KCNQ1: variants seen among roughly 807,000 people sequenced by gnomAD.
KCNQ1 encodes potassium voltage-gated channel subfamily KQT member 1.
In KCNQ1, 49 loss-of-function variants were observed where a neutral mutation model predicts 72.4. That is an observed-to-expected ratio of 0.68 (90% CI 0.54 to 0.86). The LOEUF (loss-of-function observed/expected upper bound fraction) is 0.86, where lower values mean the gene tolerates loss of function less well. Ranked by LOEUF, KCNQ1 falls within the 40% of genes least tolerant of loss-of-function variation. The pLI is 0.00. For synonymous variants in KCNQ1, 450 were observed against 412.6 expected, an observed-to-expected ratio of 1.09 and a Z score of -1.10; for missense variants, 790 against 945.1, an observed-to-expected ratio of 0.84 and a Z score of 2.15.
chr11:2,627,345 T>A lies in KCNQ1; in HGVS notation c.1394-34616T>A. The A allele has an allele frequency of 2.5e-6, 1 of 398,530 alleles. No homozygotes were observed. Among genetic ancestry groups the A allele is most frequent in the Admixed American group, 4.4e-5 (1 of 22,730 alleles). 24.7% of individuals were successfully genotyped at this position (398,530 alleles called of 1,614,324 possible). A position where few individuals can be genotyped will look rare whatever the true frequency, so the allele number is the denominator to read the frequency against. On this transcript the variant is annotated intron_variant, in intron 10 of 15. Coordinates refer to ENST00000155840, the MANE Select transcript of KCNQ1 (RefSeq NM_000218.3). This position sits in a 1 kb window ranked among gnomAD's most constrained non-coding sequence, Gnocchi z 4.9. ...TCAGAATACCTAAGCTATACTCTCTTAGCAAATTCCAAGTATAGAATATAT... is the reference window on the plus strand; with the variant it reads ...TCAGAATACCTAAGCTATACTCTCTAAGCAAATTCCAAGTATAGAATATAT...
Sources: gnomAD v4.1 joint callset for allele counts on GRCh38, gnomAD v4.1.1 for gene constraint, Gnocchi (gnomAD v3.1) non-coding constraint, MANE v1.5 for transcripts, NCBI Gene and HGNC (gene_info 2026-07-23, HGNC 2026-07-21) for gene names.